ZNF385C: variants seen among roughly 807,000 people sequenced by gnomAD.
The protein encoded by ZNF385C is CTD-2132N18.2.
In ZNF385C, 28 loss-of-function variants were observed where a neutral mutation model predicts 35.4. The observed-to-expected ratio is 0.79, with a 90% CI of 0.59 to 1.08. The LOEUF is 1.08. Among genes scored for constraint, ZNF385C ranks in the 50% least tolerant of loss-of-function variants. The pLI, the probability that ZNF385C is intolerant of heterozygous loss-of-function variation, is 0.00. For missense variants in ZNF385C, 605 were observed against 595.6 expected, an observed-to-expected ratio of 1.02 and a Z score of -0.16; for synonymous variants, 248 against 248.2, an observed-to-expected ratio of 1.00 and a Z score of 0.01.
intron 6 of ZNF385C, 111 bp from the exon 7 acceptor site, chr17:42,028,357 CTG>C (rs1400398383): frequency 1.8e-6 from 2 of 1,105,494 alleles, no homozygotes; most frequent in Non-Finnish European, 2.5e-6. Context: ...CACGGCTGCT[CTG>C]TGCACACATC....
At chr17:42,084,361 A>T (rs2053783567) in intron 1 of ZNF385C, among the ~76,000 whole-genome samples, 1 of 151,846 alleles carries the variant, frequency 6.6e-6, no homozygotes, top group Admixed American at 6.6e-5. Context: ...ACAAACAAAA[A>T]ACTATTATTT....
At chr17:42,098,019 C>A (rs1555661103) in intron 1 of ZNF385C, among the ~76,000 whole-genome samples, 1 of 152,168 alleles carries the variant, frequency 6.6e-6, no homozygotes. Flanking sequence ...CAAGCCATCA[C>A]CCCCTAGGGT....
At chr17:42,055,887 G>A (rs2053368143) in intron 2 of ZNF385C, among the ~76,000 whole-genome samples, 1 of 152,158 alleles carries the variant, frequency 6.6e-6, no homozygotes. Context: ...GTCTGAGGAT[G>A]CAGAGTAGGG....
chr17:42,074,640 C>T (rs545388518), intron 1 of ZNF385C, among the ~76,000 whole-genome samples: 11 of 152,334 alleles, frequency 7.2e-5, no homozygotes, highest in South Asian at 2.1e-4. Context: ...CCACCCGCCT[C>T]GGCCTCCCAA....
chr17:42,096,161 C>A (rs1220217547), intron 1 of ZNF385C, among the ~76,000 whole-genome samples: 5 of 152,172 alleles, frequency 3.3e-5, no homozygotes, highest in African/African-American at 1.2e-4. Flanking sequence ...TAAGGACACC[C>A]AGCCTCATGT....
chr17:42,033,255 G>A (rs71373481), intron 4 of ZNF385C, among the ~76,000 whole-genome samples: 3,485 of 152,284 alleles, frequency 0.023, 137 homozygotes, highest in African/African-American at 0.078. Flanking sequence ...GACCTTCCCT[G>A]GGAGGCCAGA....
intron 2 of ZNF385C, among the ~76,000 whole-genome samples, chr17:42,046,863 CTT>C (rs782334593): frequency 2.6e-4 from 37 of 140,526 alleles, no homozygotes; most frequent in Admixed American, 2.9e-4. Flanking sequence ...ATTTTTTTTC[CTT>C]TTTTTTTTTT....
At chr17:42,037,639 G>T in intron 3 of ZNF385C, 98 bp downstream of exon 3, 1 of 1,390,212 alleles carries the variant, frequency 7.2e-7, no homozygotes, top group Non-Finnish European at 9.5e-7. Context: ...AAAGCTCCTG[G>T]TTAGACCCAG....
At chr17:42,040,541 C>G in intron 2 of ZNF385C, 3 of 1,233,060 alleles carry the variant, frequency 2.4e-6, no homozygotes, top group South Asian at 4.1e-5. Context: ...GTGAAGGCCA[C>G]GAAGGTGAAC....
At chr17:42,048,243 A>G (rs1007838198) in intron 2 of ZNF385C, among the ~76,000 whole-genome samples, 2 of 152,096 alleles carry the variant, frequency 1.3e-5, no homozygotes, top group East Asian at 3.9e-4. Context: ...ATCCTTATAA[A>G]TATGCCATTC....
At chr17:42,076,593 G>A (rs1232184309) in intron 1 of ZNF385C, among the ~76,000 whole-genome samples, 4 of 151,950 alleles carry the variant, frequency 2.6e-5, no homozygotes, top group African/African-American at 9.7e-5. Context: ...CTGCACTCCA[G>A]CCTGGGCGAT....
chr17:42,040,428 AGCC>A, intron 2 of ZNF385C: 4 of 1,232,128 alleles, frequency 3.2e-6, no homozygotes, highest in Non-Finnish European at 4.0e-6. Context: ...GGGAGGCCGC[AGCC>A]GCCATCACCA....
At position 42,026,779 on chromosome 17, in the gene ZNF385C, G is replaced by T. The variant is rs1174042988; in HGVS notation, c.*118C>A. Reference sequence around the variant, plus strand: ...AAACTAGCCCAGCTCTTTCTGGATCGGGCAGGACCCCTGAAGCTGTTCACA... The same window carrying T: ...AAACTAGCCCAGCTCTTTCTGGATCTGGCAGGACCCCTGAAGCTGTTCACA... On this transcript the variant is annotated 3_prime_UTR_variant, in exon 9 of 9. Transcript: ENST00000692273. The T allele has an allele frequency of 1.4e-5, 14 of 1,006,338 alleles. No homozygotes were observed. Among genetic ancestry groups the T allele is most frequent in the African/African-American group, 3.2e-5 (2 of 62,538 alleles). The allele number at this position is 1,006,338 out of a possible 1,614,324, so 62.3% of individuals were successfully genotyped here.
intron 1 of ZNF385C, among the ~76,000 whole-genome samples, chr17:42,065,808 A>T (rs1278122072): frequency 6.6e-6 from 1 of 151,328 alleles, no homozygotes; most frequent in Non-Finnish European, 1.5e-5. Context: ...GGGTACAGGC[A>T]TGAGCCACCA....
chr17:42,055,238 G>A (rs185760587), intron 2 of ZNF385C, among the ~76,000 whole-genome samples: 1 of 152,294 alleles, frequency 6.6e-6, no homozygotes, highest in East Asian at 1.9e-4. Flanking sequence ...AGGGGCTCTG[G>A]GGGGAGGAGT....
intron 6 of ZNF385C, 33 bp from the exon 7 acceptor site, chr17:42,028,279 A>G (rs1410459731): frequency 6.6e-7 from 1 of 1,511,714 alleles, no homozygotes; most frequent in Non-Finnish European, 8.8e-7. Flanking sequence ...TCTCAGCAGC[A>G]GGAAGGGGTT....
Position 42,038,024 on chromosome 17 carries a change from C to G in ZNF385C, c.251-139G>C, listed in dbSNP as rs1169596407. The G allele has an allele frequency of 4.6e-6, 7 of 1,536,258 alleles. No individual in the cohort carries two copies. In the African/African-American group the frequency reaches 9.6e-5, roughly 21 times the overall value. On this transcript the variant is annotated intron_variant, in intron 2 of 8. Transcript: ENST00000692273. ...TTCACAGAGTGGCACCAGCCAGACC[C>G]ATAGTGATTATAGCCCCCTTCTCTG...
At chr17:42,032,837 C>T (rs1374320385) in intron 4 of ZNF385C, among the ~76,000 whole-genome samples, 7 of 151,808 alleles carry the variant, frequency 4.6e-5, no homozygotes, top group Admixed American at 3.3e-4. Context: ...CTCAGCCTCC[C>T]GAGTAGCTGG....
At chr17:42,094,455 T>C (rs1555660829) in intron 1 of ZNF385C, among the ~76,000 whole-genome samples, 1 of 144,314 alleles carries the variant, frequency 6.9e-6, no homozygotes, top group African/African-American at 2.6e-5. Flanking sequence ...AGAGTGGGAG[T>C]GTGAGAGAGA....
Sources: gnomAD v4.1 joint callset for allele counts (sites outside exome capture counted in the v4.1 genomes callset) on GRCh38, gnomAD v4.1.1 for gene constraint, MANE v1.5 for transcripts, NCBI Gene and HGNC (gene_info 2026-07-23, HGNC 2026-07-21) for gene names.